The following PCNT variants were observed in gnomAD, a reference collection of about 807,000 sequenced individuals.
The protein encoded by PCNT is kendrin.
A neutral mutation model predicts 380.4 loss-of-function variants in PCNT; 319 were observed. That is an observed-to-expected ratio of 0.84 (90% CI 0.77 to 0.92). The LOEUF is 0.92. PCNT is among the 40% of genes least tolerant of loss of function. The pLI is 0.00. For synonymous variants in PCNT, 1,845 were observed against 1,735.2 expected, an observed-to-expected ratio of 1.06 and a Z score of -1.57; for missense variants, 4,400 against 4,255.3, an observed-to-expected ratio of 1.03 and a Z score of -0.95.
In PCNT at chr21:46,412,966, C is replaced by T. The variant is rs751776662; in HGVS notation, c.6124C>T (p.Arg2042Cys). ...GCTGCTCTTGGTGAAAAATGAAATG[C>T]GCCTGAGTCTGGAGGACGGCGGCAA... ...SELLLVKNEMRLSLEDGGKGK... is the reference protein window; with the variant it reads ...SELLLVKNEMCLSLEDGGKGK... The change falls in exon 29 of 47, where the codon CGC (arginine) becomes TGC (cysteine). Residue 2042 changes from arginine (R) to cysteine (C), a missense_variant. Arg to Cys is a radical substitution (Grantham distance 180). Transcript: ENST00000359568. 20 of 1,607,906 alleles carry T rather than the reference C, an allele frequency of 1.2e-5. No homozygotes were observed. Among genetic ancestry groups the T allele is most frequent in the Non-Finnish European group, 1.4e-5 (17 of 1,178,808 alleles).
intron 17 of PCNT, among the ~76,000 whole-genome samples, chr21:46,387,807 AGTCACTGG>A (rs1039086118): frequency 1.4e-4 from 22 of 152,130 alleles, no homozygotes; most frequent in African/African-American, 5.1e-4. Flanking sequence ...CTGGCTGTGT[AGTCACTGG>A]GTCAACGTGC....
chr21:46,346,452 T>C (rs1220626915), intron 4 of PCNT, among the ~76,000 whole-genome samples: 1 of 152,058 alleles, frequency 6.6e-6, no homozygotes, highest in Non-Finnish European at 1.5e-5. Flanking sequence ...GGCCGGTTGC[T>C]CTCCCTGTCA....
intron 8 of PCNT, among the ~76,000 whole-genome samples, 162 bp from the exon 9 acceptor site, chr21:46,351,265 GCT>G (rs2084256955): frequency 1.3e-5 from 2 of 152,204 alleles, no homozygotes; most frequent in Admixed American, 1.3e-4. Flanking sequence ...CACGGACAGA[GCT>G]CTCTCGGTCT....
In PCNT at chr21:46,425,335, G is replaced by A. The variant is rs2147899006; in HGVS notation, c.7180-496G>A. 6.6e-6 allele frequency among the ~76,000 whole-genome samples: 1 copy of A among 152,358 alleles called. No individual in the cohort carries two copies. Among genetic ancestry groups the A allele is most frequent in the South Asian group, 2.1e-4 (1 of 4,828 alleles). On this transcript the variant is annotated intron_variant, in intron 32 of 46. Transcript: ENST00000359568. The surrounding 1 kb of genome is among the most constrained non-coding windows in gnomAD (Gnocchi z 4.2). ...TCTCTGCTCCCCGTGCCCAGCACAG[G>A]CAGCTTCACCCCACGCTGGTGGTCG...
chr21:46,376,937 C>T (rs1289382883), intron 15 of PCNT, among the ~76,000 whole-genome samples: 1 of 151,720 alleles, frequency 6.6e-6, no homozygotes, highest in Non-Finnish European at 1.5e-5. Flanking sequence ...TGAGACCTTG[C>T]GAGTGACTTC....
intron 33 of PCNT, among the ~76,000 whole-genome samples, chr21:46,427,257 CTT>C (rs1482024577): frequency 1.3e-5 from 2 of 152,232 alleles, no homozygotes; most frequent in Non-Finnish European, 2.9e-5. Context: ...TGTGTCTTCT[CTT>C]CTGTCAGGGT....
chr21:46,348,919 C>T, intron 6 of PCNT, 93 bp from the exon 7 acceptor site: 1 of 871,476 alleles, frequency 1.1e-6, no homozygotes. Context: ...AGCCACGTTG[C>T]CTGGCCTGCT....
At chr21:46,375,884 G>A (rs1387759906) in intron 15 of PCNT, among the ~76,000 whole-genome samples, 3 of 152,236 alleles carry the variant, frequency 2.0e-5, no homozygotes, top group Non-Finnish European at 4.4e-5. Flanking sequence ...TGGACAGTTA[G>A]GGTGGCTCCC....
rs1237801202 is a variant in PCNT, at chr21:46,363,674, G to C, written c.2349G>C (p.Gln783His). 1.9e-6 allele frequency: 3 copies of C among 1,614,244 alleles called. No individual in the cohort carries two copies. Among genetic ancestry groups the C allele is most frequent in the Non-Finnish European group, 2.5e-6 (3 of 1,180,052 alleles). The change falls in exon 14 of 47, where the codon CAG becomes CAC. Residue 783 changes from glutamine (Q) to histidine (H), a missense_variant. Coordinates refer to ENST00000359568, the MANE Select transcript of PCNT (RefSeq NM_006031.6). ...GAGAAAAGGCTGAATCCGAGAAACAGACCATCATAAACAAGTTTGAGCTTC... is the reference window on the plus strand; with the variant it reads ...GAGAAAAGGCTGAATCCGAGAAACACACCATCATAAACAAGTTTGAGCTTC... ...ELREKAESEKQTIINKFELRE... is the reference protein window; with the variant it reads ...ELREKAESEKHTIINKFELRE...
intron 43 of PCNT, among the ~76,000 whole-genome samples, chr21:46,441,363 G>A (rs1258661426): frequency 3.3e-5 from 5 of 152,306 alleles, no homozygotes; most frequent in African/African-American, 9.6e-5. Flanking sequence ...CACAAAGAAC[G>A]TGCTGAATTT....
intron 13 of PCNT, 104 bp downstream of exon 13, chr21:46,357,295 C>G: frequency 3.6e-6 from 3 of 844,668 alleles, no homozygotes; most frequent in Non-Finnish European, 6.2e-6. Flanking sequence ...TGGGGACAGC[C>G]CAGTGCTGTA....
At chr21:46,390,909 C>A in intron 20 of PCNT, 77 bp downstream of exon 20, 1 of 1,489,228 alleles carries the variant, frequency 6.7e-7, no homozygotes. Flanking sequence ...GGAAGGAAGC[C>A]TTCAGAATAG....
chr21:46,417,183 C>T (rs1179679740), intron 30 of PCNT, among the ~76,000 whole-genome samples: 36 of 117,294 alleles, frequency 3.1e-4, no homozygotes, highest in Non-Finnish European at 4.0e-4. Flanking sequence ...AGGAATGCTT[C>T]CTTTTTTTTT....
intron 12 of PCNT, among the ~76,000 whole-genome samples, chr21:46,356,332 T>A (rs796146780): frequency 2.4e-4 from 37 of 152,304 alleles, no homozygotes; most frequent in African/African-American, 8.4e-4. Context: ...TCCTTCAAGC[T>A]GGGGGTGGTG....
intron 15 of PCNT, among the ~76,000 whole-genome samples, chr21:46,370,488 A>AG (rs1266009455): frequency 6.8e-6 from 1 of 147,602 alleles, no homozygotes; most frequent in Admixed American, 6.7e-5. Context: ...TGGCATAGGG[A>AG]GGGGCATGGA....
Position 46,389,324 on chromosome 21 carries a change from A to G in PCNT, c.3733A>G (p.Ser1245Gly). The G allele has an allele frequency of 6.2e-7, 1 of 1,614,216 alleles. No individual in the cohort carries two copies. Among genetic ancestry groups the G allele is most frequent in the Non-Finnish European group, 8.5e-7 (1 of 1,180,036 alleles). ...CCACATGCGTGAAAGCTTTCTCATG[A>G]GCCCAGAAAGTGTGCGGGAGTGTGA... ...SSHMRESFLM[S>G]PESVRECEQP... Residue 1245 changes from serine (S) to glycine (G), a missense_variant, in exon 19 of 47, where the codon AGC becomes GGC. Ser to Gly is a moderately conservative substitution (Grantham distance 56, BLOSUM62 0). Transcript: ENST00000359568.
At position 46,366,940 on chromosome 21, in the gene PCNT, C is replaced by T. The variant is rs1368410051; in HGVS notation, c.2966C>T (p.Ala989Val). Residue 989 changes from alanine (A) to valine (V), a missense_variant, in exon 15 of 47, where the codon GCC becomes GTC. Coordinates refer to ENST00000359568, the MANE Select transcript of PCNT (RefSeq NM_006031.6). ...ACCATCCGTGAGGAGCACAGGCAGG[C>T]CCTAGAGCTCTTACGAGCAGACTTT... ...FQTIREEHRQ[A>V]LELLRADFEE... The T allele has an allele frequency of 6.2e-7, 1 of 1,614,218 alleles. No individual in the cohort carries two copies. The highest frequency in any genetic ancestry group is 1.6e-4 in the Middle Eastern group (1 of 6,062).
chr21:46,405,381 T>C (rs994379071), intron 27 of PCNT, among the ~76,000 whole-genome samples: 3 of 152,244 alleles, frequency 2.0e-5, no homozygotes, highest in African/African-American at 7.2e-5. Flanking sequence ...AATTTAAAAA[T>C]AGCCTTTTGG....
intron 2 of PCNT, among the ~76,000 whole-genome samples, chr21:46,332,163 A>G (rs1390977351): frequency 6.6e-6 from 1 of 152,212 alleles, no homozygotes; most frequent in Non-Finnish European, 1.5e-5. Context: ...TTTATCTCCA[A>G]AAAAAAGAGA....
Sources: gnomAD v4.1 joint callset for allele counts (sites outside exome capture counted in the v4.1 genomes callset) on GRCh38, gnomAD v4.1.1 for gene constraint, Gnocchi (gnomAD v3.1) non-coding constraint, MANE v1.5 for transcripts, NCBI Gene and HGNC (gene_info 2026-07-23, HGNC 2026-07-21) for gene names.